Variants in PTCD3 observed in about 807,000 individuals in gnomAD.
PTCD3 encodes small ribosomal subunit protein mS39.
PTCD3 carries 89 observed loss-of-function variants against 101.9 expected under a neutral mutation model. The ratio of observed to expected loss-of-function variants is 0.87; its 90% CI spans 0.74 to 1.04. The LOEUF (loss-of-function observed/expected upper bound fraction) is 1.04, where lower values mean the gene tolerates loss of function less well. Among genes scored for constraint, PTCD3 ranks in the 50% least tolerant of loss-of-function variants. The pLI is 0.00. For synonymous variants in PTCD3, 296 were observed against 278.5 expected, an observed-to-expected ratio of 1.06 and a Z score of -0.63; for missense variants, 870 against 828.2, an observed-to-expected ratio of 1.05 and a Z score of -0.62.
At position 86,136,551 on chromosome 2, in the gene PTCD3, T is replaced by G; in HGVS notation, c.1809T>G (p.Asn603Lys). ...WKMLGLFRKH[N>K]KIPRSELLNE... ...TGTTGGGGCTTTTCAGGAAGCATAA[T>G]AAGATTCCTAGGTAAGTTGAAATCA... Residue 603 changes from asparagine to lysine, a missense_variant, in exon 22 of 24, where the codon AAT becomes AAG. By Grantham distance (94) the Asn-to-Lys change is moderately conservative. Coordinates refer to ENST00000254630, the MANE Select transcript of PTCD3 (RefSeq NM_017952.6). 7 of 1,612,526 alleles carry G rather than the reference T, an allele frequency of 4.3e-6. No homozygotes were observed. The highest frequency in any genetic ancestry group is 5.9e-6 in the Non-Finnish European group (7 of 1,178,518).
At chr2:86,111,091 A>C (rs1271511596) in intron 3 of PTCD3, 22 bp from the exon 4 acceptor site, 2 of 1,607,366 alleles carry the variant, frequency 1.2e-6, no homozygotes, top group Admixed American at 1.7e-5. Flanking sequence ...GATGAGGATT[A>C]ACTTGTGGTT....
chr2:86,141,918 CAAG>C lies in PTCD3; in HGVS notation c.*4364_*4366del, dbSNP rs987571490. The C allele has an allele frequency of 2.5e-4, 38 of 152,230 alleles. 1 individual carries two copies. Among genetic ancestry groups the C allele is most frequent in the African/African-American group, 8.2e-4 (34 of 41,458 alleles). The allele number at this position is 152,230 out of a possible 1,614,324, so 9.4% of individuals were successfully genotyped here. ...TCTCCTTGAAGTAGCACTGAGAATC[CAAG>C]AAGAGGCTCCGCTGCTTTTTGCACA... On this transcript the variant is annotated 3_prime_UTR_variant, in exon 24 of 24. Transcript: ENST00000254630.
At chr2:86,130,849 T>C (rs1316248468) in intron 15 of PTCD3, 112 bp downstream of exon 15, 1 of 1,466,486 alleles carries the variant, frequency 6.8e-7, no homozygotes, top group Non-Finnish European at 9.0e-7. Flanking sequence ...TTTTTTTTTT[T>C]TTTAAATAAA....
chr2:86,108,233 A>G, intron 1 of PTCD3, 117 bp from the exon 2 acceptor site: 1 of 1,131,504 alleles, frequency 8.8e-7, no homozygotes. Context: ...CATTGACATG[A>G]GTTATCCAGT....
Position 86,131,122 on chromosome 2 carries a change from T to C in PTCD3, c.1266+16T>C. ...CATGAGCATAGTAAGTATCATTTCT[T>C]TATTAATTTGCTATCCATTTCCTAA... On this transcript the variant is annotated intron_variant, in intron 16 of 23. Coordinates refer to ENST00000254630, the MANE Select transcript of PTCD3 (RefSeq NM_017952.6). 3 of 1,577,680 alleles carry C rather than the reference T, an allele frequency of 1.9e-6. No homozygotes were observed. The highest frequency in any genetic ancestry group is 2.6e-6 in the Non-Finnish European group (3 of 1,159,482).
chr2:86,133,429 T>C lies in PTCD3; in HGVS notation c.1536T>C (p.Ile512=). The C allele has an allele frequency of 6.2e-7, 1 of 1,612,898 alleles. No homozygotes were observed. The highest frequency in any genetic ancestry group is 8.5e-7 in the Non-Finnish European group (1 of 1,178,888). Residue 512 remains isoleucine, a synonymous_variant, in exon 19 of 24, where the codon ATT becomes ATC. Coordinates refer to ENST00000254630, the MANE Select transcript of PTCD3 (RefSeq NM_017952.6). The stretch of plus-strand genomic sequence containing the variant: ...ATCGGCTAGAAGTGATTCCTAAAAT[T>C]TGGAAAGGTCAGTTTTACTTTTTAT... The part of the protein sequence containing the change: ...VANRLEVIPK[I]WKDSKEYGHT...
Position 86,111,210 on chromosome 2 carries a change from C to CT in PTCD3, c.240+57dup, listed in dbSNP as rs113632978. 10,867 of 1,427,400 alleles carry CT rather than the reference C, an allele frequency of 7.6e-3. 439 individuals are homozygous for CT. In the African/African-American group the frequency reaches 0.099, roughly 13 times the overall value. The allele number at this position is 1,427,400 out of a possible 1,614,324, so 88.4% of individuals were successfully genotyped here. A position where few individuals can be genotyped will look rare whatever the true frequency, so the allele number is the denominator to read the frequency against. On this transcript the variant is annotated intron_variant, in intron 4 of 23. Coordinates refer to ENST00000254630, the MANE Select transcript of PTCD3 (RefSeq NM_017952.6). The stretch of plus-strand genomic sequence containing the variant: ...AACCTAAAACTTGGCTAATAACACA[C>CT]TTTTTAACTCGGCTAATAACACATT...
At chr2:86,130,838 T>TG (rs1674483225) in intron 15 of PTCD3, 101 bp downstream of exon 15, 1 of 134,384 alleles carries the variant, frequency 7.4e-6, no homozygotes, top group Admixed American at 1.0e-4. Context: ...CTTAGAAGTA[T>TG]TTTTTTTTTT....
chr2:86,133,754 C>T lies in PTCD3; in HGVS notation c.1543+318C>T, dbSNP rs142879009. ...CCTAAATCTGAATAAAGGTCTTTGACCCGGAAGCCTGTGTAATTCCTCTGT... is the reference window on the plus strand; with the variant it reads ...CCTAAATCTGAATAAAGGTCTTTGATCCGGAAGCCTGTGTAATTCCTCTGT... On this transcript the variant is annotated intron_variant, in intron 19 of 23. Coordinates refer to ENST00000254630, the MANE Select transcript of PTCD3 (RefSeq NM_017952.6). 5.3e-5 allele frequency among the ~76,000 whole-genome samples: 8 copies of T among 152,302 alleles called. No individual in the cohort carries two copies. In the East Asian group the frequency reaches 1.5e-3, roughly 29 times the overall value.
At position 86,125,802 on chromosome 2, in the gene PTCD3, A is replaced by G. The variant is rs139474497; in HGVS notation, c.873A>G (p.Val291=). The change falls in exon 12 of 24, where the codon GTA becomes GTG. Residue 291 remains valine (V), a synonymous_variant. Transcript: ENST00000254630. The part of the protein sequence containing the change: ...ELLNNRLHAD[V]YTFNALIEAT... ...CATTTTATTATTTTACAGCTGATGTATACACATTTAATGCATTGATTGAAG... is the reference window on the plus strand; with the variant it reads ...CATTTTATTATTTTACAGCTGATGTGTACACATTTAATGCATTGATTGAAG... 17,390 of 1,600,982 alleles carry G rather than the reference A, an allele frequency of 0.011. 142 individuals carry two copies. The highest frequency in any genetic ancestry group is 0.012 in the Non-Finnish European group (14,393 of 1,169,644).
intron 12 of PTCD3, 57 bp downstream of exon 12, chr2:86,125,937 A>G (rs1674377156): frequency 7.8e-7 from 1 of 1,277,344 alleles, no homozygotes; most frequent in Admixed American, 1.9e-5. Context: ...TTTACCAGAA[A>G]TACATGGGCT....
Position 86,106,304 on chromosome 2 carries a change from G to A in PTCD3, c.57G>A (p.Pro19=), listed in dbSNP as rs778135182. The change falls in exon 1 of 24, where the codon CCG becomes CCA. Residue 19 remains proline, a synonymous_variant. Coordinates refer to ENST00000254630, the MANE Select transcript of PTCD3 (RefSeq NM_017952.6). Reference sequence around the variant, plus strand: ...GCCTCCGCAGCAGGCTTGGCCAGCCGCTGACGGGTCGGCGGGCGGGTTTGT... The same window carrying A: ...GCCTCCGCAGCAGGCTTGGCCAGCCACTGACGGGTCGGCGGGCGGGTTTGT... ...WLGLRSRLGQ[P]LTGRRAGLCE... 3 of 1,613,926 alleles carry A rather than the reference G, an allele frequency of 1.9e-6. No individual in the cohort carries two copies. Among genetic ancestry groups the A allele is most frequent in the African/African-American group, 2.7e-5 (2 of 74,928 alleles).
chr2:86,134,006 A>ATATTT (rs1558800396), intron 19 of PTCD3, among the ~76,000 whole-genome samples: 1 of 152,224 alleles, frequency 6.6e-6, no homozygotes, highest in African/African-American at 2.4e-5. Flanking sequence ...TGATAAAAGT[A>ATATTT]TATCAAATTC....
At chr2:86,115,252 A>G (rs1336614358) in intron 4 of PTCD3, among the ~76,000 whole-genome samples, 4 of 152,066 alleles carry the variant, frequency 2.6e-5, no homozygotes, top group African/African-American at 9.7e-5. Flanking sequence ...AAAATATCAA[A>G]ATTTTAGATG....
intron 7 of PTCD3, 69 bp downstream of exon 7, chr2:86,119,113 T>C: frequency 6.4e-7 from 1 of 1,564,830 alleles, no homozygotes; most frequent in Non-Finnish European, 8.7e-7. Context: ...ATATGATTCA[T>C]ATATTTTGAG....
chr2:86,123,894 C>G (rs1477003050), intron 9 of PTCD3, 132 bp downstream of exon 9: 3 of 603,354 alleles, frequency 5.0e-6, no homozygotes, highest in Non-Finnish European at 5.3e-6. Flanking sequence ...ATAAATTTCA[C>G]TATTTGTATT....
intron 8 of PTCD3, among the ~76,000 whole-genome samples, chr2:86,122,827 CT>C (rs1160222558): frequency 6.6e-6 from 1 of 152,222 alleles, no homozygotes; most frequent in African/African-American, 2.4e-5. Flanking sequence ...CTGGTTGGCC[CT>C]CTGCCTCTCC....
At chr2:86,122,344 G>A (rs1674298106) in intron 8 of PTCD3, among the ~76,000 whole-genome samples, 1 of 152,120 alleles carries the variant, frequency 6.6e-6, no homozygotes, top group Non-Finnish European at 1.5e-5. Context: ...AAGTGTTTCT[G>A]GGTGATGGGA....
At position 86,121,460 on chromosome 2, in the gene PTCD3, T is replaced by C; in HGVS notation, c.539-19T>C. Reference sequence around the variant, plus strand: ...TCATTGTTTCAAGGTTTCTTTATCTTTCTGTCTCTTACCCACAGGAACCAC... The same window carrying C: ...TCATTGTTTCAAGGTTTCTTTATCTCTCTGTCTCTTACCCACAGGAACCAC... On this transcript the variant is annotated intron_variant, in intron 7 of 23. Transcript: ENST00000254630. The C allele has an allele frequency of 6.8e-7, 1 of 1,477,332 alleles. No individual in the cohort carries two copies. The highest frequency in any genetic ancestry group is 9.3e-7 in the Non-Finnish European group (1 of 1,077,984). 91.5% of individuals were successfully genotyped at this position (1,477,332 alleles called of 1,614,324 possible).
Sources: allele counts gnomAD v4.1 joint callset (sites outside exome capture counted in the v4.1 genomes callset), GRCh38; gene constraint gnomAD v4.1.1; transcripts MANE v1.5; gene names NCBI Gene and HGNC (gene_info 2026-07-23, HGNC 2026-07-21).